The following ANKRD17 variants were observed in gnomAD, a reference collection of about 807,000 sequenced individuals.
ANKRD17 encodes ankyrin repeat domain 17.
ANKRD17 carries 19 observed loss-of-function variants against 229.7 expected under a neutral mutation model. The observed-to-expected ratio is 0.08, with a 90% CI of 0.06 to 0.12. The LOEUF (loss-of-function observed/expected upper bound fraction) is 0.12, where lower values mean the gene tolerates loss of function less well. Ranked by LOEUF, ANKRD17 falls within the 10% of genes least tolerant of loss-of-function variation. The pLI is 1.00. For synonymous variants in ANKRD17, 1,112 were observed against 1,146.1 expected (o/e 0.97, Z 0.60); for missense variants, 2,176 against 3,176.8 (o/e 0.68, Z 7.57).
intron 22 of ANKRD17, among the ~76,000 whole-genome samples, chr4:73,117,196 G>A (rs1416957058): frequency 6.6e-6 from 1 of 152,114 alleles, no homozygotes; most frequent in Non-Finnish European, 1.5e-5. Context: ...TATAACTAAA[G>A]AATGAGTAAC....
Position 73,091,108 on chromosome 4 carries a change from C to T in ANKRD17, c.6520G>A (p.Glu2174Lys). ...GGGGGTGGTCTAATAGCAGGGGTTT[C>T]CATTTTAGGAGTAGGCTGGGGGCAT... is the stretch of plus-strand genomic sequence containing the variant. ...MGCPQPTPKMETPAIRPPPHG... is the reference protein window; with the variant it reads ...MGCPQPTPKMKTPAIRPPPHG... Residue 2174 changes from glutamate to lysine, a missense_variant, in exon 29 of 34, where the codon GAA becomes AAA. By Grantham distance (56) the Glu-to-Lys change is moderately conservative (BLOSUM62 1). Coordinates refer to ENST00000358602, the MANE Select transcript of ANKRD17 (RefSeq NM_032217.5). The T allele has an allele frequency of 6.2e-7, 1 of 1,614,062 alleles. No individual in the cohort carries two copies. Among genetic ancestry groups the T allele is most frequent in the Non-Finnish European group, 8.5e-7 (1 of 1,180,012 alleles).
chr4:73,170,157 C>T (rs748232211), intron 2 of ANKRD17, among the ~76,000 whole-genome samples: 3 of 151,988 alleles, frequency 2.0e-5, no homozygotes, highest in Admixed American at 1.3e-4. Flanking sequence ...CAGCTTAAGG[C>T]TCCAAAAGAG....
At chr4:73,248,370 G>A (rs1744689488) in intron 1 of ANKRD17, among the ~76,000 whole-genome samples, 1 of 151,798 alleles carries the variant, frequency 6.6e-6, no homozygotes, top group African/African-American at 2.4e-5. Context: ...CACCAAAAAT[G>A]AACATAGATG....
chr4:73,092,786 G>A (rs1722910668), intron 28 of ANKRD17, among the ~76,000 whole-genome samples: 1 of 152,060 alleles, frequency 6.6e-6, no homozygotes, highest in Non-Finnish European at 1.5e-5. Context: ...TTAAATCTTG[G>A]TATCTGGGAT....
At chr4:73,113,620 T>C (rs557132772) in intron 24 of ANKRD17, among the ~76,000 whole-genome samples, 172 bp downstream of exon 24, 3 of 152,200 alleles carry the variant, frequency 2.0e-5, no homozygotes, top group Non-Finnish European at 1.5e-5. Context: ...AAGCTTTCAA[T>C]GATGTTCAAT....
intron 3 of ANKRD17, among the ~76,000 whole-genome samples, chr4:73,156,807 C>T (rs1267407112): frequency 6.6e-6 from 1 of 152,262 alleles, no homozygotes; most frequent in African/African-American, 2.4e-5. Flanking sequence ...TCAATTAAAC[C>T]TCTTTTCTTC....
intron 5 of ANKRD17, among the ~76,000 whole-genome samples, chr4:73,155,048 A>G (rs1731487790): frequency 6.6e-6 from 1 of 152,040 alleles, no homozygotes; most frequent in African/African-American, 2.4e-5. Flanking sequence ...CTCAAAAAAA[A>G]AAAAAAAAAA....
In ANKRD17 at chr4:73,161,194, G is replaced by A. The variant is rs776424462; in HGVS notation, c.702C>T (p.Asp234=). 1 of 1,612,094 alleles carries A rather than the reference G, an allele frequency of 6.2e-7. No individual in the cohort carries two copies. Among genetic ancestry groups the A allele is most frequent in the Non-Finnish European group, 8.5e-7 (1 of 1,179,458 alleles). The stretch of plus-strand genomic sequence containing the variant: ...GATGGCAGCAAAAATGTACTTACTT[G>A]TCCGACTGCCCTGCATTTGCTGTGC... The part of the protein sequence containing the change: ...AESTANAGQS[D]NRSLAEACSE... The change falls in exon 3 of 34, where the codon GAC becomes GAT. Residue 234 remains aspartate (D), a splice_region_variant and synonymous_variant. Coordinates refer to ENST00000358602, the MANE Select transcript of ANKRD17 (RefSeq NM_032217.5).
At chr4:73,146,975 T>A in intron 9 of ANKRD17, 102 bp from the exon 10 acceptor site, 1 of 947,394 alleles carries the variant, frequency 1.1e-6, no homozygotes, top group Non-Finnish European at 1.6e-6. Context: ...CTCCTCAAGT[T>A]AAACAAATTC....
At position 73,091,493 on chromosome 4, in the gene ANKRD17, G is replaced by A; in HGVS notation, c.6135C>T (p.Ser2045=). The change falls in exon 29 of 34, where the codon TCC becomes TCT. Residue 2045 remains serine (S), a synonymous_variant. Coordinates refer to ENST00000358602, the MANE Select transcript of ANKRD17 (RefSeq NM_032217.5). ...CTCCTGGCTGGGCTGGTGGTGATGG[G>A]GAAGATGGGGATGATACTGGATAGT... ...KEHYPVSSPS[S]PSPPAQPGGV... 6.2e-7 allele frequency: 1 copy of A among 1,614,166 alleles called. No homozygotes were observed. Among genetic ancestry groups the A allele is most frequent in the Non-Finnish European group, 8.5e-7 (1 of 1,180,030 alleles).
At chr4:73,196,498 CCATA>C (rs1560703107) in intron 1 of ANKRD17, among the ~76,000 whole-genome samples, 1 of 152,102 alleles carries the variant, frequency 6.6e-6, no homozygotes, top group African/African-American at 2.4e-5. Flanking sequence ...CAAATATGTA[CCATA>C]TATACACGTA....
chr4:73,171,178 G>GGAGGGAGA (rs1733951816), intron 2 of ANKRD17, among the ~76,000 whole-genome samples: 6 of 104,446 alleles, frequency 5.7e-5, no homozygotes, highest in Admixed American at 1.0e-4. Flanking sequence ...CTCAGAGGGG[G>GGAGGGAGA]GAGAGAGAGA....
In ANKRD17 at chr4:73,100,540, C is replaced by T. The variant is rs1416435978; in HGVS notation, c.4573+1836G>A. 7.3e-5 allele frequency among the ~76,000 whole-genome samples: 11 copies of T among 151,232 alleles called. 1 individual carries two copies. In the East Asian group the frequency reaches 1.7e-3, roughly 24 times the overall value. ...ACAGTTTGGAAAATATAAGTATGTA[C>T]TGTATATTACGTATTATTATGTAAT... On this transcript the variant is annotated intron_variant, in intron 25 of 33. Coordinates refer to ENST00000358602, the MANE Select transcript of ANKRD17 (RefSeq NM_032217.5).
At chr4:73,166,903 A>T (rs919470070) in intron 2 of ANKRD17, among the ~76,000 whole-genome samples, 3 of 152,180 alleles carry the variant, frequency 2.0e-5, no homozygotes, top group Non-Finnish European at 4.4e-5. Context: ...TCCTGATTTA[A>T]ACCAACTGTA....
chr4:73,149,075 T>C, intron 7 of ANKRD17, 25 bp from the exon 8 acceptor site: 2 of 1,590,152 alleles, frequency 1.3e-6, no homozygotes, highest in Non-Finnish European at 1.7e-6. Context: ...ATTTAAAAAA[T>C]TAAATCAGCA....
chr4:73,102,791 G>A, intron 24 of ANKRD17: 2 of 420,738 alleles, frequency 4.8e-6, no homozygotes, highest in Non-Finnish European at 8.3e-6. Flanking sequence ...CAGATACATA[G>A]CTTTTAATCA....
At chr4:73,222,402 C>T (rs1741976737) in intron 1 of ANKRD17, among the ~76,000 whole-genome samples, 1 of 152,100 alleles carries the variant, frequency 6.6e-6, no homozygotes, top group South Asian at 2.1e-4. Context: ...TCTCTAGCAT[C>T]AGTGCCCTAA....
intron 2 of ANKRD17, among the ~76,000 whole-genome samples, chr4:73,167,045 G>T (rs896198808): frequency 2.0e-5 from 3 of 152,004 alleles, no homozygotes; most frequent in African/African-American, 7.3e-5. Flanking sequence ...TTAATTTACA[G>T]ATACATACTA....
chr4:73,199,613 TA>T (rs1738380833), intron 1 of ANKRD17, among the ~76,000 whole-genome samples: 1 of 152,170 alleles, frequency 6.6e-6, no homozygotes, highest in South Asian at 2.1e-4. Context: ...TCCTTATGAA[TA>T]CCTCCTCCCC....
Sources: allele counts gnomAD v4.1 joint callset (sites outside exome capture counted in the v4.1 genomes callset), GRCh38; gene constraint gnomAD v4.1.1; transcripts MANE v1.5; gene names NCBI Gene and HGNC (gene_info 2026-07-23, HGNC 2026-07-21).